DPY19L1: variants seen among roughly 807,000 people sequenced by gnomAD.
DPY19L1 encodes the protein dpy-19 like C-mannosyltransferase 1, also known as protein C-mannosyl-transferase DPY19L1.
DPY19L1 carries 35 observed loss-of-function variants against 96.9 expected under a neutral mutation model. The observed-to-expected ratio is 0.36, with a 90% CI of 0.28 to 0.48. The LOEUF is 0.48. Ranked by LOEUF, DPY19L1 falls within the 20% of genes least tolerant of loss-of-function variation. The pLI is 0.99. For missense variants in DPY19L1, 521 were observed against 777.9 expected (o/e 0.67, Z 3.93); for synonymous variants, 205 against 252.6 (o/e 0.81, Z 1.79).
chr7:35,024,038 G>A (rs1471570537), intron 1 of DPY19L1, among the ~76,000 whole-genome samples: 1 of 151,616 alleles, frequency 6.6e-6, no homozygotes, highest in African/African-American at 2.4e-5. Flanking sequence ...GGGTTTCACC[G>A]TGCTAACCAG....
intron 1 of DPY19L1, among the ~76,000 whole-genome samples, chr7:35,023,396 G>A (rs1786041684): frequency 6.6e-6 from 1 of 152,114 alleles, no homozygotes; most frequent in Non-Finnish European, 1.5e-5. Flanking sequence ...ATGAGGCCAG[G>A]GTGGGCTTCT....
chr7:34,946,465 T>C (rs564215186), intron 15 of DPY19L1, among the ~76,000 whole-genome samples: 105 of 152,362 alleles, frequency 6.9e-4, no homozygotes, highest in African/African-American at 2.4e-3. Flanking sequence ...TTTTCTTCTT[T>C]AAACGAAACA....
chr7:35,022,065 TA>T, intron 1 of DPY19L1, among the ~76,000 whole-genome samples: 1 of 151,802 alleles, frequency 6.6e-6, no homozygotes, highest in East Asian at 1.9e-4. Context: ...AAGGCACCCC[TA>T]AAGAGCTTTT....
chr7:35,035,232 T>G (rs1786363431), intron 1 of DPY19L1, among the ~76,000 whole-genome samples: 1 of 152,166 alleles, frequency 6.6e-6, no homozygotes, highest in Non-Finnish European at 1.5e-5. Context: ...TGGTCCAGGG[T>G]ACACCCAAAA....
At chr7:34,957,798 A>G (rs1027153855) in intron 11 of DPY19L1, among the ~76,000 whole-genome samples, 186 bp downstream of exon 11, 3 of 146,466 alleles carry the variant, frequency 2.0e-5, no homozygotes, top group African/African-American at 7.4e-5. Flanking sequence ...AAATGATACT[A>G]ATTTTTCCTT....
chr7:34,989,119 T>C (rs967004583), intron 7 of DPY19L1, among the ~76,000 whole-genome samples: 2 of 152,204 alleles, frequency 1.3e-5, no homozygotes, highest in Non-Finnish European at 1.5e-5. Context: ...ACAATACTGT[T>C]GTCTTTAGAA....
upstream of DPY19L1, chr7:35,037,975 C>T (rs1786490818): frequency 8.8e-7 from 1 of 1,130,720 alleles, no homozygotes; most frequent in African/African-American, 1.6e-5. Context: ...GTTAAGGCTG[C>T]GCTTGGAGCC....
chr7:35,025,835 C>G (rs560935007), intron 1 of DPY19L1, among the ~76,000 whole-genome samples: 1 of 152,246 alleles, frequency 6.6e-6, no homozygotes, highest in South Asian at 2.1e-4. Context: ...TTGAAGATAC[C>G]ATCTATTTAC....
At chr7:35,010,016 C>T (rs760538578) in intron 6 of DPY19L1, among the ~76,000 whole-genome samples, 1 of 152,052 alleles carries the variant, frequency 6.6e-6, no homozygotes, top group Non-Finnish European at 1.5e-5. Flanking sequence ...ATCACTCAAG[C>T]CCAGGAAGTT....
chr7:34,980,530 G>A (rs920748559), intron 7 of DPY19L1, among the ~76,000 whole-genome samples: 1 of 152,234 alleles, frequency 6.6e-6, no homozygotes, highest in South Asian at 2.1e-4. Context: ...GTTAAGTGGT[G>A]AGAAGGTACT....
At chr7:34,935,172 G>C (rs559451453) in intron 21 of DPY19L1, among the ~76,000 whole-genome samples, 15 of 152,290 alleles carry the variant, frequency 9.8e-5, no homozygotes, top group African/African-American at 3.1e-4. Context: ...CGGTGGCAGA[G>C]AGTGAGACAC....
intron 1 of DPY19L1, among the ~76,000 whole-genome samples, chr7:35,027,080 C>G (rs186372590): frequency 3.3e-5 from 5 of 152,156 alleles, no homozygotes; most frequent in Admixed American, 2.0e-4. Flanking sequence ...ACCTGTAATC[C>G]GAGCTGCTCA....
chr7:35,032,425 T>C (rs769055682), intron 1 of DPY19L1, among the ~76,000 whole-genome samples: 1 of 152,160 alleles, frequency 6.6e-6, no homozygotes, highest in Non-Finnish European at 1.5e-5. Flanking sequence ...AACAGTTAAA[T>C]GAGTTCATCT....
rs1229616036 is a variant in DPY19L1, at chr7:34,942,710, T to C, written c.1545-71A>G. 6.1e-6 allele frequency: 8 copies of C among 1,319,022 alleles called. No individual in the cohort carries two copies. In the Admixed American group the frequency reaches 6.6e-5, roughly 11 times the overall value. The allele number at this position is 1,319,022 out of a possible 1,614,324, so 81.7% of individuals were successfully genotyped here. A position where few individuals can be genotyped will look rare whatever the true frequency, so the allele number is the denominator to read the frequency against. ...CTTACGTCATATATTTGCATTTTCA[T>C]CTTGCAAACAGGAGTTTTACAACTT... On this transcript the variant is annotated intron_variant, in intron 16 of 21. Transcript: ENST00000638088.
intron 6 of DPY19L1, among the ~76,000 whole-genome samples, chr7:34,997,682 G>GT (rs1027067973): frequency 1.2e-4 from 18 of 149,920 alleles, no homozygotes; most frequent in African/African-American, 4.4e-4. Context: ...TTTAAGATGT[G>GT]TTTTTTGGCC....
chr7:34,950,050 C>T (rs1018669979), intron 13 of DPY19L1, 152 bp from the exon 14 acceptor site: 1 of 483,548 alleles, frequency 2.1e-6, no homozygotes, highest in Non-Finnish European at 3.6e-6. Flanking sequence ...ATGCTATATC[C>T]TCCACCTTCA....
rs190840393 is a variant in DPY19L1 at position 35,031,786 on chromosome 7, T to G, written c.298+5311A>C. ...TCAGAAAACTTCTAACTGTATCTGT[T>G]AATAATAAAATATGTTTAGGTGATT... On this transcript the variant is annotated intron_variant, in intron 1 of 21. Transcript: ENST00000638088. Among the ~76,000 whole-genome samples the G allele has an allele frequency of 2.4e-3, 364 of 152,342 alleles. 1 individual carries two copies. Among genetic ancestry groups the G allele is most frequent in the Non-Finnish European group, 4.0e-3 (275 of 68,034 alleles).
intron 6 of DPY19L1, among the ~76,000 whole-genome samples, chr7:35,006,524 A>G (rs1785561519): frequency 6.6e-6 from 1 of 152,226 alleles, no homozygotes; most frequent in Non-Finnish European, 1.5e-5. Flanking sequence ...CTGGGTCTTA[A>G]GAAACTGGCC....
intron 7 of DPY19L1, among the ~76,000 whole-genome samples, chr7:34,986,271 T>A (rs1461808493): frequency 6.6e-6 from 1 of 152,014 alleles, no homozygotes; most frequent in African/African-American, 2.4e-5. Flanking sequence ...GTATTGCATA[T>A]TTCGAAATTG....
Sources: gnomAD v4.1 joint callset for allele counts (sites outside exome capture counted in the v4.1 genomes callset) on GRCh38, gnomAD v4.1.1 for gene constraint, MANE v1.5 for transcripts, NCBI Gene and HGNC (gene_info 2026-07-23, HGNC 2026-07-21) for gene names.